The following RAB27B variants were observed in gnomAD, a reference collection of about 807,000 sequenced individuals.
RAB27B encodes ras-related protein Rab-27B.
In RAB27B, 15 loss-of-function variants were observed where a neutral mutation model predicts 24.6. That is an observed-to-expected ratio of 0.61 (90% CI 0.41 to 0.94). RAB27B has a LOEUF of 0.94. RAB27B is among the 40% of genes least tolerant of loss of function. The pLI is 0.00. For synonymous variants in RAB27B, 105 were observed against 92.5 expected, an observed-to-expected ratio of 1.14 and a Z score of -0.78; for missense variants, 261 against 266.8, an observed-to-expected ratio of 0.98 and a Z score of 0.15.
intron 2 of RAB27B, among the ~76,000 whole-genome samples, chr18:54,795,639 G>T (rs1374255249): frequency 6.6e-6 from 1 of 152,134 alleles, no homozygotes; most frequent in Non-Finnish European, 1.5e-5. Context: ...GATACTTTTG[G>T]AGAGGCCTGG....
In RAB27B at chr18:54,889,478, C is replaced by T; in HGVS notation, c.*65C>T. The stretch of plus-strand genomic sequence containing the variant: ...TATTACTTTTAAAAACAATGACAAA[C>T]CACACAATTGTTGTTGAGTAAACCA... On this transcript the variant is annotated 3_prime_UTR_variant, in exon 6 of 6. Transcript: ENST00000262094. 6 of 1,416,896 alleles carry T rather than the reference C, an allele frequency of 4.2e-6. No individual in the cohort carries two copies. The highest frequency in any genetic ancestry group is 2.5e-5 in the East Asian group (1 of 40,750). The allele number at this position is 1,416,896 out of a possible 1,614,324, so 87.8% of individuals were successfully genotyped here.
intron 1 of RAB27B, among the ~76,000 whole-genome samples, chr18:54,857,818 A>T (rs953625290): frequency 3.3e-5 from 5 of 152,252 alleles, no homozygotes; most frequent in Non-Finnish European, 7.3e-5. Flanking sequence ...TGCTTCAGAA[A>T]AAAATGTTGC....
At chr18:54,826,445 C>A (rs552047057), upstream of RAB27B, among the ~76,000 whole-genome samples, 1 of 152,094 alleles carries the variant, frequency 6.6e-6, no homozygotes, top group Non-Finnish European at 1.5e-5. Flanking sequence ...ACCCCTCTTC[C>A]CAGGGAAGGA....
intron 2 of RAB27B, among the ~76,000 whole-genome samples, chr18:54,780,122 C>G (rs1420947328): frequency 1.4e-5 from 2 of 143,146 alleles, no homozygotes; most frequent in African/African-American, 5.3e-5. Flanking sequence ...TGTCTTCCCT[C>G]TCCTGACGGC....
chr18:54,782,378 G>A (rs1315252717), intron 2 of RAB27B, among the ~76,000 whole-genome samples: 62 of 152,324 alleles, frequency 4.1e-4, no homozygotes, highest in Non-Finnish European at 1.0e-4. Context: ...GTTGCAAATT[G>A]TAATGTAAAG....
At chr18:54,775,487 G>A (rs756497811) in intron 2 of RAB27B, among the ~76,000 whole-genome samples, 5 of 152,114 alleles carry the variant, frequency 3.3e-5, no homozygotes, top group South Asian at 2.1e-4. Context: ...TTCATCATGC[G>A]GAAACTCTTC....
intron 2 of RAB27B, among the ~76,000 whole-genome samples, chr18:54,745,875 AAG>A (rs1910228283): frequency 6.8e-6 from 1 of 148,124 alleles, no homozygotes; most frequent in Admixed American, 6.8e-5. Context: ...AAATAAATAT[AAG>A]TATTTATAAA....
At chr18:54,718,885 G>A (rs377130257) in intron 2 of RAB27B, among the ~76,000 whole-genome samples, 5 of 152,152 alleles carry the variant, frequency 3.3e-5, no homozygotes, top group African/African-American at 9.7e-5. Context: ...TGCATTCAAG[G>A]CTCTTTTAAT....
chr18:54,830,491 A>C (rs1910632049), intron 1 of RAB27B, among the ~76,000 whole-genome samples: 1 of 152,212 alleles, frequency 6.6e-6, no homozygotes, highest in South Asian at 2.1e-4. Flanking sequence ...TCAGCTCTTA[A>C]GCAAGTAATT....
At chr18:54,780,313 A>G (rs1363911350) in intron 2 of RAB27B, among the ~76,000 whole-genome samples, 2 of 7,628 alleles carry the variant, frequency 2.6e-4, no homozygotes, top group South Asian at 6.3e-3. Flanking sequence ...GTCTCCCCCA[A>G]CCTGAAGGCT....
At chr18:54,853,217 G>A (rs1911656447) in intron 1 of RAB27B, among the ~76,000 whole-genome samples, 1 of 152,122 alleles carries the variant, frequency 6.6e-6, no homozygotes, top group Non-Finnish European at 1.5e-5. Context: ...GTCAGTGAGG[G>A]CACAATTATG....
chr18:54,719,152 T>C (rs577914059), intron 2 of RAB27B, among the ~76,000 whole-genome samples: 4 of 152,168 alleles, frequency 2.6e-5, no homozygotes, highest in Non-Finnish European at 4.4e-5. Context: ...ATTAAAAGTG[T>C]GACTTTAATG....
intron 3 of RAB27B, 139 bp downstream of exon 3, chr18:54,879,593 T>G (rs1056739286): frequency 4.2e-6 from 3 of 708,384 alleles, no homozygotes; most frequent in Non-Finnish European, 7.3e-6. Flanking sequence ...TATCCAGAAA[T>G]AAAAATAAAT....
intron 2 of RAB27B, among the ~76,000 whole-genome samples, chr18:54,752,496 C>T (rs1003813603): frequency 7.2e-5 from 11 of 152,154 alleles, no homozygotes; most frequent in East Asian, 3.9e-4. Context: ...AGAGTAGCTG[C>T]GAATAAATTG....
At chr18:54,822,855 G>T (rs960523214) in intron 2 of RAB27B, among the ~76,000 whole-genome samples, 10 of 152,044 alleles carry the variant, frequency 6.6e-5, no homozygotes, top group African/African-American at 2.4e-4. Context: ...CATTCATCAA[G>T]GCTATATGTG....
intron 1 of RAB27B, among the ~76,000 whole-genome samples, chr18:54,839,718 A>G (rs1911034808): frequency 6.6e-6 from 1 of 152,218 alleles, no homozygotes; most frequent in Admixed American, 6.5e-5. Context: ...AAAGTCTAAG[A>G]AGCAGACTGA....
chr18:54,750,546 T>TC (rs149488661), intron 2 of RAB27B, among the ~76,000 whole-genome samples: 9,660 of 152,000 alleles, frequency 0.064, 388 homozygotes, highest in African/African-American at 0.091. Context: ...GAGTTAATGA[T>TC]TAGTTGCAGA....
chr18:54,765,716 C>T (rs1908339641), intron 2 of RAB27B, among the ~76,000 whole-genome samples: 2 of 152,154 alleles, frequency 1.3e-5, no homozygotes, highest in Admixed American at 1.3e-4. Flanking sequence ...TCTCCTTCTT[C>T]CTTTCCTTTC....
At position 54,890,445 on chromosome 18, in the gene RAB27B, G is replaced by T. The variant is rs974152391; in HGVS notation, c.*1032G>T. On this transcript the variant is annotated 3_prime_UTR_variant, in exon 6 of 6. Transcript: ENST00000262094. The stretch of plus-strand genomic sequence containing the variant: ...TTTAGATAAAATAAGATGGTGATAT[G>T]AAACAAAAAGTGGCAATTATTGCAG... 1.3e-5 allele frequency: 2 copies of T among 152,078 alleles called. No homozygotes were observed. Among genetic ancestry groups the T allele is most frequent in the Admixed American group, 6.6e-5 (1 of 15,254 alleles). The allele number at this position is 152,078 out of a possible 1,614,324, so 9.4% of individuals were successfully genotyped here.
Sources: gnomAD v4.1 joint callset for allele counts (sites outside exome capture counted in the v4.1 genomes callset) on GRCh38, gnomAD v4.1.1 for gene constraint, MANE v1.5 for transcripts, NCBI Gene and HGNC (gene_info 2026-07-23, HGNC 2026-07-21) for gene names.